PIK3C3: variants seen among roughly 807,000 people sequenced by gnomAD.
PIK3C3 encodes phosphatidylinositol 3-kinase catalytic subunit type 3.
PIK3C3 carries 95 observed loss-of-function variants against 126.1 expected under a neutral mutation model. That is an observed-to-expected ratio of 0.75 (90% CI 0.64 to 0.89). The LOEUF (loss-of-function observed/expected upper bound fraction) is 0.89, where lower values mean the gene tolerates loss of function less well. Ranked by LOEUF, PIK3C3 falls within the 40% of genes least tolerant of loss-of-function variation. The pLI is 0.00. For synonymous variants in PIK3C3, 374 were observed against 360.0 expected, an observed-to-expected ratio of 1.04 and a Z score of -0.44; for missense variants, 829 against 1,063.2, an observed-to-expected ratio of 0.78 and a Z score of 3.06.
At chr18:42,024,438 ATT>A (rs577688097) in intron 13 of PIK3C3, among the ~76,000 whole-genome samples, 1 of 145,050 alleles carries the variant, frequency 6.9e-6, no homozygotes. Context: ...GGCTTGAATG[ATT>A]TTTTTTTTTT....
rs1052045809 is a variant in PIK3C3 at position 41,957,939 on chromosome 18, A to G, written c.257+181A>G. Among the ~76,000 whole-genome samples, 3 of 152,372 alleles carry G rather than the reference A, an allele frequency of 2.0e-5. No homozygotes were observed. The East Asian group carries it at 5.8e-4, about 29-fold the overall frequency. On this transcript the variant is annotated intron_variant, in intron 2 of 24. Coordinates refer to ENST00000262039, the MANE Select transcript of PIK3C3 (RefSeq NM_002647.4). ...TATGCATGTCAGTATTATAACTGCAATTGAAATAGAAATGGATTTATGTTT... is the reference window on the plus strand; with the variant it reads ...TATGCATGTCAGTATTATAACTGCAGTTGAAATAGAAATGGATTTATGTTT...
chr18:42,028,513 T>G (rs1468582923), intron 14 of PIK3C3, among the ~76,000 whole-genome samples: 1 of 152,252 alleles, frequency 6.6e-6, no homozygotes, highest in Non-Finnish European at 1.5e-5. Flanking sequence ...ATCTTTCATC[T>G]GTTTGATGTT....
chr18:42,057,543 T>C (rs1985126285), intron 21 of PIK3C3: 1 of 193,408 alleles, frequency 5.2e-6, no homozygotes. Flanking sequence ...AAAAATTTTC[T>C]ACAAGATTCC....
intron 18 of PIK3C3, among the ~76,000 whole-genome samples, 176 bp from the exon 19 acceptor site, chr18:42,040,501 T>C (rs1239870682): frequency 6.6e-6 from 1 of 152,194 alleles, no homozygotes; most frequent in Non-Finnish European, 1.5e-5. Flanking sequence ...AAAGTTTTCT[T>C]ACAGGTCCTA....
At chr18:41,970,273 CTGTAA>C (rs1348346491) in intron 3 of PIK3C3, 49 bp from the exon 4 acceptor site, 1 of 1,495,540 alleles carries the variant, frequency 6.7e-7, no homozygotes, top group Non-Finnish European at 9.2e-7. Context: ...CTAAAATTTC[CTGTAA>C]TGAACTGTAT....
intron 10 of PIK3C3, among the ~76,000 whole-genome samples, chr18:42,008,677 G>GT (rs926205816): frequency 4.1e-4 from 61 of 148,338 alleles, no homozygotes; most frequent in African/African-American, 9.9e-4. Context: ...TGGAAGCCTG[G>GT]TTTTTTTTTT....
chr18:42,019,875 A>G (rs756640462), intron 12 of PIK3C3, among the ~76,000 whole-genome samples: 10 of 152,156 alleles, frequency 6.6e-5, no homozygotes, highest in Non-Finnish European at 1.2e-4. Flanking sequence ...TAACAAATCA[A>G]TCCAGAAATT....
chr18:42,052,092 T>C (rs956031338), intron 21 of PIK3C3, among the ~76,000 whole-genome samples: 1 of 152,100 alleles, frequency 6.6e-6, no homozygotes, highest in African/African-American at 2.4e-5. Flanking sequence ...TTTTGGAAAT[T>C]GATAAACAAT....
In PIK3C3 at chr18:41,990,476, T is replaced by C; in HGVS notation, c.636T>C (p.Ser212=). The stretch of plus-strand genomic sequence containing the variant: ...TTTTTCAGAGTGAAAAACGAAGTTC[T>C]AATTTCATGTACCTGATGGTTGAAT... ...EMINESEKRS[S]NFMYLMVEFR... Residue 212 remains serine (S), a synonymous_variant, in exon 6 of 25, where the codon TCT becomes TCC. Coordinates refer to ENST00000262039, the MANE Select transcript of PIK3C3 (RefSeq NM_002647.4). 1 of 1,589,816 alleles carries C rather than the reference T, an allele frequency of 6.3e-7. No homozygotes were observed. Among genetic ancestry groups the C allele is most frequent in the Non-Finnish European group, 8.6e-7 (1 of 1,158,954 alleles).
At chr18:42,045,373 G>A (rs1377009310) in intron 20 of PIK3C3, among the ~76,000 whole-genome samples, 1 of 151,686 alleles carries the variant, frequency 6.6e-6, no homozygotes, top group African/African-American at 2.4e-5. Flanking sequence ...GTTTTTCTCA[G>A]ACCTTCAAGT....
intron 5 of PIK3C3, among the ~76,000 whole-genome samples, chr18:41,990,127 A>G (rs896961441): frequency 1.3e-5 from 2 of 152,136 alleles, no homozygotes; most frequent in African/African-American, 4.8e-5. Flanking sequence ...CATTCTTTTT[A>G]TTTTTGAAAT....
At chr18:42,051,799 C>A (rs1984815001) in intron 21 of PIK3C3, among the ~76,000 whole-genome samples, 1 of 151,848 alleles carries the variant, frequency 6.6e-6, no homozygotes, top group African/African-American at 2.4e-5. Context: ...ATCAAGCAAC[C>A]AAAATGATTC....
At chr18:41,979,001 A>G (rs1981064359) in intron 4 of PIK3C3, among the ~76,000 whole-genome samples, 1 of 148,496 alleles carries the variant, frequency 6.7e-6, no homozygotes, top group Non-Finnish European at 1.5e-5. Flanking sequence ...AGGCTGAGGC[A>G]GGAGGATTGC....
At chr18:41,988,256 A>G (rs1201995793) in intron 5 of PIK3C3, among the ~76,000 whole-genome samples, 1 of 152,158 alleles carries the variant, frequency 6.6e-6, no homozygotes, top group African/African-American at 2.4e-5. Flanking sequence ...CACTTCAGTT[A>G]CCATAAATCA....
intron 23 of PIK3C3, among the ~76,000 whole-genome samples, 191 bp downstream of exon 23, chr18:42,065,021 G>A (rs1390304095): frequency 6.6e-6 from 1 of 152,156 alleles, no homozygotes; most frequent in Admixed American, 6.6e-5. Context: ...ACAGGGAGGA[G>A]GAAGCAGCAG....
rs1986339252 is a variant in PIK3C3 at position 42,084,088 on chromosome 18, A to G, written c.*2951A>G. On this transcript the variant is annotated 3_prime_UTR_variant, in exon 25 of 25. Coordinates refer to ENST00000262039, the MANE Select transcript of PIK3C3 (RefSeq NM_002647.4). ...AAGGTGTTGTGTCATCATGCCACATATTCATACTTTCCTTGGGTTGGAAAA... is the reference window on the plus strand; with the variant it reads ...AAGGTGTTGTGTCATCATGCCACATGTTCATACTTTCCTTGGGTTGGAAAA... The G allele has an allele frequency of 6.6e-6, 1 of 152,234 alleles. No individual in the cohort carries two copies. Among genetic ancestry groups the G allele is most frequent in the Non-Finnish European group, 1.5e-5 (1 of 68,042 alleles). 9.4% of individuals were successfully genotyped at this position (152,234 alleles called of 1,614,324 possible). A position where few individuals can be genotyped will look rare whatever the true frequency, so the allele number is the denominator to read the frequency against.
intron 1 of PIK3C3, among the ~76,000 whole-genome samples, chr18:41,956,451 T>C (rs559446460): frequency 4.6e-5 from 7 of 152,136 alleles, no homozygotes; most frequent in Non-Finnish European, 1.0e-4. Context: ...TAAAGGGCTT[T>C]CCTTCAGCTT....
chr18:42,033,492 C>G (rs989581235), intron 15 of PIK3C3, among the ~76,000 whole-genome samples: 1 of 152,170 alleles, frequency 6.6e-6, no homozygotes, highest in Admixed American at 6.5e-5. Context: ...TGTGGCTTCA[C>G]AAATCCTTGG....
chr18:42,060,576 G>A (rs1370978989), intron 22 of PIK3C3, among the ~76,000 whole-genome samples: 1 of 152,028 alleles, frequency 6.6e-6, no homozygotes, highest in Non-Finnish European at 1.5e-5. Flanking sequence ...TTTGAGACCA[G>A]CCTGGCCAAC....
Sources: allele counts gnomAD v4.1 joint callset (sites outside exome capture counted in the v4.1 genomes callset), GRCh38; gene constraint gnomAD v4.1.1; transcripts MANE v1.5; gene names NCBI Gene and HGNC (gene_info 2026-07-23, HGNC 2026-07-21).